Variants in EP300 observed in about 807,000 individuals in gnomAD.
EP300 encodes the protein histone acetyltransferase p300.
EP300 carries 31 observed loss-of-function variants against 264.0 expected under a neutral mutation model. That is an observed-to-expected ratio of 0.12 (90% CI 0.09 to 0.16). The LOEUF is 0.16. EP300 is among the 10% of genes least tolerant of loss of function. The pLI is 1.00. For missense variants in EP300, 2,766 were observed against 3,052.9 expected (o/e 0.91, Z 2.21); for synonymous variants, 1,340 against 1,045.4 (o/e 1.28, Z -5.44).
chr22:41,146,865 T>C lies in EP300; in HGVS notation c.2131+49T>C. ...TATTTTAAAAGAATCCCCGGTGTAC[T>C]GCAAGATAATACTTGCTACCTGAAC... On this transcript the variant is annotated intron_variant, in intron 11 of 30. Coordinates refer to ENST00000263253, the MANE Select transcript of EP300 (RefSeq NM_001429.4). The C allele has an allele frequency of 3.3e-6, 5 of 1,495,864 alleles. No individual in the cohort carries two copies. The East Asian group carries it at 7.1e-5, about 21-fold the overall frequency. The allele number at this position is 1,495,864 out of a possible 1,614,324, so 92.7% of individuals were successfully genotyped here. A position where few individuals can be genotyped will look rare whatever the true frequency, so the allele number is the denominator to read the frequency against.
At chr22:41,153,265 A>G (rs1398587732) in intron 16 of EP300, among the ~76,000 whole-genome samples, 1 of 152,214 alleles carries the variant, frequency 6.6e-6, no homozygotes, top group African/African-American at 2.4e-5. Flanking sequence ...GTGATCTGCA[A>G]AAGGCACCAG....
chr22:41,093,434 TAA>T (rs1416306310), intron 1 of EP300, among the ~76,000 whole-genome samples: 2 of 152,230 alleles, frequency 1.3e-5, no homozygotes, highest in African/African-American at 2.4e-5. Flanking sequence ...CTATGCAATT[TAA>T]GTTTCATTTT....
At chr22:41,145,195 G>A (rs1220033963) in intron 10 of EP300, among the ~76,000 whole-genome samples, 3 of 152,200 alleles carry the variant, frequency 2.0e-5, no homozygotes, top group African/African-American at 7.2e-5. Flanking sequence ...GTGTGGGGAG[G>A]AAGAGGAAAG....
rs1248254534 is a variant in EP300, at chr22:41,141,166, C to T, written c.1997C>T (p.Pro666Leu). 1 of 1,614,174 alleles carries T rather than the reference C, an allele frequency of 6.2e-7. No individual in the cohort carries two copies. Among genetic ancestry groups the T allele is most frequent in the South Asian group, 1.1e-5 (1 of 91,084 alleles). Residue 666 changes from proline to leucine, a missense_variant, in exon 10 of 31, where the codon CCA (proline) becomes CTA (leucine). By Grantham distance (98) the Pro-to-Leu change is moderately conservative. Coordinates refer to ENST00000263253, the MANE Select transcript of EP300 (RefSeq NM_001429.4). ...NMLPNAAGMV[P>L]VSMNPGPNMG... is the part of the protein sequence containing the mutation. Reference sequence around the variant, plus strand: ...CTACCAAATGCTGCAGGCATGGTTCCAGTTTCCATGAATCCAGGGCCTAAC... The same window carrying T: ...CTACCAAATGCTGCAGGCATGGTTCTAGTTTCCATGAATCCAGGGCCTAAC...
intron 22 of EP300, among the ~76,000 whole-genome samples, chr22:41,166,065 G>A (rs1268792380): frequency 2.6e-5 from 4 of 152,144 alleles, no homozygotes; most frequent in Middle Eastern, 3.2e-3. Flanking sequence ...GATTACAGGC[G>A]GGAGCCACCA....
chr22:41,134,790 C>T (rs183954494), intron 6 of EP300, among the ~76,000 whole-genome samples: 2 of 152,320 alleles, frequency 1.3e-5, no homozygotes, highest in East Asian at 3.9e-4. Flanking sequence ...CCTTTTACCT[C>T]TTCTGTATTG....
At chr22:41,142,532 A>G (rs913422193) in intron 10 of EP300, among the ~76,000 whole-genome samples, 1 of 152,144 alleles carries the variant, frequency 6.6e-6, no homozygotes, top group African/African-American at 2.4e-5. Flanking sequence ...GAAAAAGTCA[A>G]GATTAGAGTT....
rs1352758271 is a variant in EP300, at chr22:41,178,161, A to ACAGCAGCAACTC, written c.6455_6466dup (p.Gln2152_Gln2155dup). Reference sequence around the variant, plus strand: ...GGGCTGGCCTGCCCCAGCAGCAACCACAGCAGCAACTCCAGCCACCCATGG... The same window carrying ACAGCAGCAACTC: ...GGGCTGGCCTGCCCCAGCAGCAACCACAGCAGCAACTCCAGCAGCAACTCCAGCCACCCATGG... On this transcript the variant is annotated inframe_insertion, in exon 31 of 31. Coordinates refer to ENST00000263253, the MANE Select transcript of EP300 (RefSeq NM_001429.4). The ACAGCAGCAACTC allele has an allele frequency of 1.2e-6, 2 of 1,613,996 alleles. No homozygotes were observed. The highest frequency in any genetic ancestry group is 2.7e-5 in the African/African-American group (2 of 75,022).
rs749043606 is a variant in EP300 at position 41,149,068 on chromosome 22, C to T, written c.2272C>T (p.Pro758Ser). 1.2e-6 allele frequency: 2 copies of T among 1,613,380 alleles called. No individual in the cohort carries two copies. The highest frequency in any genetic ancestry group is 1.3e-5 in the African/African-American group (1 of 74,740). ...GGGCTATGGGCCTCGTATGCAACAG[C>T]CTTCCAACCAGGGCCAGTTCCTTCC... ...PMGYGPRMQQ[P>S]SNQGQFLPQT... The change falls in exon 13 of 31, where the codon CCT becomes TCT. Residue 758 changes from proline (P) to serine (S), a missense_variant. Physicochemically the swap from Pro to Ser is moderately conservative, Grantham distance 74. Coordinates refer to ENST00000263253, the MANE Select transcript of EP300 (RefSeq NM_001429.4).
At chr22:41,158,119 G>T (rs899964326) in intron 18 of EP300, among the ~76,000 whole-genome samples, 4 of 152,170 alleles carry the variant, frequency 2.6e-5, no homozygotes, top group Non-Finnish European at 5.9e-5. Flanking sequence ...TTGGGCTCAC[G>T]CAGTCTTCCC....
rs570533250 is a variant in EP300 at position 41,170,710 on chromosome 22, G to A, written c.4452+139G>A. The A allele has an allele frequency of 1.3e-4, 126 of 937,744 alleles. 1 individual carries two copies. Among genetic ancestry groups the A allele is most frequent in the South Asian group, 1.1e-3 (67 of 62,998 alleles). 58.1% of individuals were successfully genotyped at this position (937,744 alleles called of 1,614,324 possible). A position where few individuals can be genotyped will look rare whatever the true frequency, so the allele number is the denominator to read the frequency against. On this transcript the variant is annotated intron_variant, in intron 27 of 30. Transcript: ENST00000263253. ...GGAGTCTCGCTCTGTCACGCAGGCT[G>A]GAGTGCAGTGACACGATTTTGGCTC...
At position 41,176,363 on chromosome 22, in the gene EP300, G is replaced by T. The variant is rs142399679; in HGVS notation, c.4896G>T (p.Thr1632=). ...TGGATGGTCGGGATGCGTTTCTCAC[G>T]CTGGCAAGGGACAAGCACCTGGAGT... ...DLMDGRDAFL[T]LARDKHLEFS... is the part of the protein sequence containing the mutation. Residue 1632 remains threonine, a synonymous_variant, in exon 30 of 31, where the codon ACG becomes ACT. Transcript: ENST00000263253. 47 of 1,614,064 alleles carry T rather than the reference G, an allele frequency of 2.9e-5. No individual in the cohort carries two copies. Among genetic ancestry groups the T allele is most frequent in the Non-Finnish European group, 3.4e-5 (40 of 1,180,054 alleles).
chr22:41,101,657 C>G (rs766192683), intron 1 of EP300, among the ~76,000 whole-genome samples: 1 of 152,060 alleles, frequency 6.6e-6, no homozygotes, highest in Non-Finnish European at 1.5e-5. Flanking sequence ...ATAATCTACC[C>G]TTCTCGGCCT....
In EP300 at chr22:41,180,075, A is replaced by C. The variant is rs2059235213; in HGVS notation, c.*1119A>C. Reference sequence around the variant, plus strand: ...TTGTTAAATAAACTGTGTGAGACAGACACCCTGACTTTGTTTCACTTGATA... The same window carrying C: ...TTGTTAAATAAACTGTGTGAGACAGCCACCCTGACTTTGTTTCACTTGATA... On this transcript the variant is annotated 3_prime_UTR_variant, in exon 31 of 31. Transcript: ENST00000263253. The C allele has an allele frequency of 4.4e-6, 1 of 228,814 alleles. No homozygotes were observed. Among genetic ancestry groups the C allele is most frequent in the Admixed American group, 5.7e-5 (1 of 17,606 alleles). 14.2% of individuals were successfully genotyped at this position (228,814 alleles called of 1,614,324 possible).
At chr22:41,095,742 G>C (rs1478188156) in intron 1 of EP300, among the ~76,000 whole-genome samples, 1 of 151,996 alleles carries the variant, frequency 6.6e-6, no homozygotes, top group East Asian at 1.9e-4. Flanking sequence ...GTTGAAATAA[G>C]CCCGAAATTC....
intron 18 of EP300, 82 bp from the exon 19 acceptor site, chr22:41,158,330 T>G (rs971343168): frequency 9.4e-7 from 1 of 1,066,408 alleles, no homozygotes; most frequent in African/African-American, 1.6e-5. Flanking sequence ...CACCACTGAC[T>G]TCTGTTTCTG....
At chr22:41,129,797 A>G (rs1191713295) in intron 4 of EP300, 93 bp from the exon 5 acceptor site, 3 of 916,978 alleles carry the variant, frequency 3.3e-6, no homozygotes, top group East Asian at 2.6e-5. Context: ...AAGTTAATGC[A>G]TTTATGTTAC....
At position 41,178,249 on chromosome 22, in the gene EP300, C is replaced by T. The variant is rs201097711; in HGVS notation, c.6538C>T (p.Arg2180Ter). Residue 2180 changes from arginine to a stop codon, truncating the protein, a stop_gained, in exon 31 of 31, where the codon CGA becomes TGA. Coordinates refer to ENST00000263253, the MANE Select transcript of EP300 (RefSeq NM_001429.4). LOFTEE classifies it high-confidence loss of function. ...MNHNTMPSQF[R>*]DILRRQQMMQ... is the part of the protein sequence containing the mutation. ...CCACAACACCATGCCTTCACAATTC[C>T]GAGACATCTTGAGACGACAGCAAAT... is the stretch of plus-strand genomic sequence containing the variant. The T allele has an allele frequency of 2.5e-6, 4 of 1,614,112 alleles. No homozygotes were observed. Among genetic ancestry groups the T allele is most frequent in the Non-Finnish European group, 3.4e-6 (4 of 1,180,036 alleles).
intron 1 of EP300, among the ~76,000 whole-genome samples, chr22:41,105,058 G>A (rs972909996): frequency 3.3e-5 from 5 of 151,618 alleles, no homozygotes; most frequent in African/African-American, 4.8e-5. Flanking sequence ...TTAGCCGGGC[G>A]TAGTGGCGGG....
Sources: allele counts gnomAD v4.1 joint callset (sites outside exome capture counted in the v4.1 genomes callset), GRCh38; gene constraint gnomAD v4.1.1; transcripts MANE v1.5; gene names NCBI Gene and HGNC (gene_info 2026-07-23, HGNC 2026-07-21).